The following PTCHD4 variants were observed in gnomAD, a reference collection of about 807,000 sequenced individuals.
The protein encoded by PTCHD4 is patched domain-containing protein 4.
A neutral mutation model predicts 58.1 loss-of-function variants in PTCHD4; 33 were observed. The observed-to-expected ratio is 0.57, with a 90% CI of 0.43 to 0.76. PTCHD4 has a LOEUF of 0.76. Among genes scored for constraint, PTCHD4 ranks in the 30% least tolerant of loss-of-function variants. PTCHD4 has a pLI of 0.00. For missense variants in PTCHD4, 1,058 were observed against 1,027.1 expected, an observed-to-expected ratio of 1.03 and a Z score of -0.41; for synonymous variants, 478 against 409.6, an observed-to-expected ratio of 1.17 and a Z score of -2.02.
chr6:48,055,210 C>T (rs1259657782), intron 3 of PTCHD4, among the ~76,000 whole-genome samples: 1 of 152,004 alleles, frequency 6.6e-6, no homozygotes, highest in Non-Finnish European at 1.5e-5. Context: ...GTCTGATTGT[C>T]AATGGATGCT....
intron 3 of PTCHD4, among the ~76,000 whole-genome samples, chr6:48,028,419 G>A (rs986970825): frequency 6.6e-6 from 1 of 151,948 alleles, no homozygotes; most frequent in South Asian, 2.1e-4. Context: ...AGTCATAGAA[G>A]GTCTGTGGAA....
intron 4 of PTCHD4, among the ~76,000 whole-genome samples, chr6:47,888,357 C>CA (rs199836165): frequency 0.025 from 3,819 of 149,956 alleles, 157 homozygotes; most frequent in African/African-American, 0.088. Context: ...ACTCAGTCCC[C>CA]AAAAAAAAGA....
rs145867543 is a variant in PTCHD4, at chr6:47,997,643, T to C, written c.898+10991A>G. On this transcript the variant is annotated intron_variant, in intron 4 of 4. Coordinates refer to ENST00000339488, the MANE Select transcript of PTCHD4 (RefSeq NM_001384253.1). ...CTGATTTGCTAAGGGTACATAGTGATATCTGTAAGTCAAGTCTTGAATATT... is the reference window on the plus strand; with the variant it reads ...CTGATTTGCTAAGGGTACATAGTGACATCTGTAAGTCAAGTCTTGAATATT... 5.0e-3 allele frequency among the ~76,000 whole-genome samples: 757 copies of C among 152,328 alleles called. 5 individuals carry two copies. The highest frequency in any genetic ancestry group is 0.017 in the African/African-American group (686 of 41,560).
intron 4 of PTCHD4, among the ~76,000 whole-genome samples, chr6:47,924,212 G>A (rs530030493): frequency 6.6e-6 from 1 of 152,004 alleles, no homozygotes; most frequent in East Asian, 1.9e-4. Flanking sequence ...GCTTGATCCA[G>A]ACTATTGCTG....
intron 4 of PTCHD4, among the ~76,000 whole-genome samples, chr6:47,946,845 T>G (rs921516432): frequency 6.6e-6 from 1 of 152,168 alleles, no homozygotes; most frequent in Non-Finnish European, 1.5e-5. Context: ...TATTTCTTTT[T>G]AGTTTTTATT....
intron 4 of PTCHD4, chr6:47,901,424 C>T (rs1219705875): frequency 2.7e-5 from 26 of 977,498 alleles, no homozygotes; most frequent in Non-Finnish European, 3.2e-5. Flanking sequence ...AATTGTTCCT[C>T]CCTCTCACAT....
chr6:48,094,958 A>G (rs1282824770), intron 1 of PTCHD4, among the ~76,000 whole-genome samples: 4 of 152,186 alleles, frequency 2.6e-5, no homozygotes, highest in Non-Finnish European at 5.9e-5. Context: ...AAGCAAAATA[A>G]TAGGTAGAGA....
chr6:47,938,078 G>A (rs1214828486), intron 4 of PTCHD4, among the ~76,000 whole-genome samples: 16 of 152,080 alleles, frequency 1.1e-4, no homozygotes, highest in Admixed American at 3.9e-4. Context: ...GCGTGAACCC[G>A]GGAGGCAGAG....
chr6:48,080,428 C>A (rs552235907), intron 1 of PTCHD4, among the ~76,000 whole-genome samples: 5 of 152,310 alleles, frequency 3.3e-5, no homozygotes, highest in African/African-American at 9.6e-5. Context: ...AAACGTCTTT[C>A]TGTGAGACCT....
intron 3 of PTCHD4, among the ~76,000 whole-genome samples, chr6:48,043,945 G>A (rs1763941440): frequency 6.6e-6 from 1 of 151,832 alleles, no homozygotes; most frequent in African/African-American, 2.4e-5. Context: ...TGCAGTATAT[G>A]AGAATTAGAA....
At chr6:47,963,969 C>T (rs1049904248) in intron 4 of PTCHD4, among the ~76,000 whole-genome samples, 1 of 152,200 alleles carries the variant, frequency 6.6e-6, no homozygotes, top group Non-Finnish European at 1.5e-5. Context: ...GATTAAACCA[C>T]TCATTATCAA....
chr6:48,014,929 A>T (rs1481832448), intron 3 of PTCHD4, among the ~76,000 whole-genome samples: 2 of 152,106 alleles, frequency 1.3e-5, no homozygotes, highest in Non-Finnish European at 2.9e-5. Flanking sequence ...GGCTCCCATG[A>T]AATGTTCTTT....
intron 4 of PTCHD4, among the ~76,000 whole-genome samples, chr6:48,003,443 A>G: frequency 6.6e-6 from 1 of 152,118 alleles, no homozygotes. Context: ...CTTACATGCC[A>G]TATCTAGTCC....
At chr6:48,037,378 T>C (rs1763678695) in intron 3 of PTCHD4, among the ~76,000 whole-genome samples, 1 of 152,184 alleles carries the variant, frequency 6.6e-6, no homozygotes. Context: ...CACTGGAGTC[T>C]TGGACTGCAT....
At chr6:48,106,527 T>C (rs921796361) in intron 1 of PTCHD4, among the ~76,000 whole-genome samples, 5 of 152,188 alleles carry the variant, frequency 3.3e-5, no homozygotes, top group Admixed American at 3.3e-4. Context: ...AAGCATTCCC[T>C]TTGAAAACTG....
chr6:47,931,554 C>T (rs1045387431), intron 4 of PTCHD4, among the ~76,000 whole-genome samples: 1 of 152,110 alleles, frequency 6.6e-6, no homozygotes, highest in African/African-American at 2.4e-5. Context: ...ATTGTAAAAT[C>T]GTTGCTGTTT....
intron 3 of PTCHD4, among the ~76,000 whole-genome samples, chr6:48,064,236 C>T (rs1046594773): frequency 6.6e-6 from 1 of 152,138 alleles, no homozygotes; most frequent in Non-Finnish European, 1.5e-5. Flanking sequence ...AAATCTTTAC[C>T]TGTGTCTTTA....
chr6:48,045,052 C>A (rs1249916813), intron 3 of PTCHD4, among the ~76,000 whole-genome samples: 3 of 151,852 alleles, frequency 2.0e-5, no homozygotes, highest in African/African-American at 4.8e-5. Flanking sequence ...TTATGACAGC[C>A]CTTCCATCTC....
chr6:47,997,988 C>T (rs1042589738), intron 4 of PTCHD4, among the ~76,000 whole-genome samples: 1 of 151,914 alleles, frequency 6.6e-6, no homozygotes, highest in African/African-American at 2.4e-5. Context: ...TTCAGAAAAA[C>T]AATGGCATAA....
Sources: allele counts gnomAD v4.1 joint callset (sites outside exome capture counted in the v4.1 genomes callset), GRCh38; gene constraint gnomAD v4.1.1; transcripts MANE v1.5; gene names NCBI Gene and HGNC (gene_info 2026-07-23, HGNC 2026-07-21).